STOM: variants seen among roughly 807,000 people sequenced by gnomAD.
STOM encodes the protein stomatin, also known as erythrocyte band 7 integral membrane protein.
A neutral mutation model predicts 30.6 loss-of-function variants in STOM; 25 were observed. The observed-to-expected ratio is 0.82, with a 90% CI of 0.60 to 1.14. STOM has a LOEUF of 1.14. Ranked by LOEUF, STOM falls within the 50% of genes most tolerant of loss-of-function variation. STOM has a pLI of 0.00. For synonymous variants in STOM, 118 were observed against 130.8 expected (o/e 0.90, Z 0.67); for missense variants, 292 against 365.2 (o/e 0.80, Z 1.63).
Position 121,348,160 on chromosome 9 carries a change from G to GA in STOM, c.526-12dup. 1 of 1,614,080 alleles carries GA rather than the reference G, an allele frequency of 6.2e-7. No individual in the cohort carries two copies. The highest frequency in any genetic ancestry group is 8.5e-7 in the Non-Finnish European group (1 of 1,179,984). ...ATCATCCAGAGTAGACTGTTAGGAAGAGAGAAGGCAAGCTAAATCTCCTCA... is the reference window on the plus strand; with the variant it reads ...ATCATCCAGAGTAGACTGTTAGGAAGAAGAGAAGGCAAGCTAAATCTCCTCA... On this transcript the variant is annotated splice_polypyrimidine_tract_variant and intron_variant, in intron 5 of 6. Transcript: ENST00000286713.
chr9:121,364,144 A>G (rs1328026395), intron 1 of STOM, among the ~76,000 whole-genome samples: 1 of 152,194 alleles, frequency 6.6e-6, no homozygotes, highest in Non-Finnish European at 1.5e-5. Context: ...TAGATTAAAA[A>G]AGCTAGAAGT....
At chr9:121,362,159 C>A (rs2064459422) in intron 1 of STOM, among the ~76,000 whole-genome samples, 3 of 152,076 alleles carry the variant, frequency 2.0e-5, no homozygotes, top group Admixed American at 2.0e-4. Context: ...GTTGGGCTTA[C>A]CTCCAGGAAA....
At chr9:121,363,537 C>A (rs892928268) in intron 1 of STOM, among the ~76,000 whole-genome samples, 1 of 152,168 alleles carries the variant, frequency 6.6e-6, no homozygotes, top group Non-Finnish European at 1.5e-5. Context: ...GCAAAAGAAG[C>A]CATAGATAGT....
Position 121,356,140 on chromosome 9 carries a change from G to A in STOM, c.78C>T (p.Gly26=). The A allele has an allele frequency of 6.2e-7, 1 of 1,613,966 alleles. No individual in the cohort carries two copies. The highest frequency in any genetic ancestry group is 8.5e-7 in the Non-Finnish European group (1 of 1,179,928). ...PDSFKDSPSK[G]LGPCGWILVA... Reference sequence around the variant, plus strand: ...CCAAAATCCATCCGCAAGGTCCAAGGCCCTTACTGGGGCTGTCTGTTGAAA... The same window carrying A: ...CCAAAATCCATCCGCAAGGTCCAAGACCCTTACTGGGGCTGTCTGTTGAAA... The change falls in exon 2 of 7, where the codon GGC becomes GGT. Residue 26 remains glycine (G), a synonymous_variant. Transcript: ENST00000286713.
chr9:121,364,990 G>A (rs1321689871), intron 1 of STOM, among the ~76,000 whole-genome samples: 4 of 152,162 alleles, frequency 2.6e-5, no homozygotes, highest in Non-Finnish European at 4.4e-5. Flanking sequence ...TCTACCCATT[G>A]AAACATAGGG....
intron 1 of STOM, among the ~76,000 whole-genome samples, chr9:121,362,655 C>T (rs2064464817): frequency 6.6e-6 from 1 of 152,128 alleles, no homozygotes; most frequent in Non-Finnish European, 1.5e-5. Flanking sequence ...TTTATGAATT[C>T]CTATGACATG....
chr9:121,348,055 A>G lies in STOM; in HGVS notation c.620T>C (p.Met207Thr). Reference sequence around the variant, plus strand: ...GCGGGACGCTTCTGCTTCTGCAGCCATAGCTCTCTGGAGCTGCACAGGTAG... The same window carrying G: ...GCGGGACGCTTCTGCTTCTGCAGCCGTAGCTCTCTGGAGCTGCACAGGTAG... ...VKLPVQLQRA[M>T]AAEAEASREA... The change falls in exon 6 of 7, where the codon ATG (methionine) becomes ACG (threonine). Residue 207 changes from methionine to threonine, a missense_variant. Met to Thr is a moderately conservative substitution (Grantham distance 81, BLOSUM62 -1). Transcript: ENST00000286713. 7 of 1,614,218 alleles carry G rather than the reference A, an allele frequency of 4.3e-6. No individual in the cohort carries two copies. Among genetic ancestry groups the G allele is most frequent in the Non-Finnish European group, 5.9e-6 (7 of 1,180,024 alleles).
intron 1 of STOM, among the ~76,000 whole-genome samples, chr9:121,361,937 A>G (rs945059593): frequency 3.3e-5 from 5 of 152,210 alleles, no homozygotes; most frequent in African/African-American, 1.2e-4. Context: ...GATCCCTCAT[A>G]TGTGCAGTTC....
chr9:121,354,885 C>A (rs1056972611), intron 2 of STOM, among the ~76,000 whole-genome samples: 11 of 152,144 alleles, frequency 7.2e-5, no homozygotes, highest in Non-Finnish European at 1.6e-4. Context: ...TAGATATTCA[C>A]TGTATAAATT....
chr9:121,356,240 C>A, intron 1 of STOM, 84 bp from the exon 2 acceptor site: 1 of 1,164,054 alleles, frequency 8.6e-7, no homozygotes, highest in Non-Finnish European at 1.2e-6. Context: ...TCGCTGAATA[C>A]CTATGTGCTT....
At chr9:121,350,664 T>C (rs1403389516) in intron 4 of STOM, among the ~76,000 whole-genome samples, 1 of 152,186 alleles carries the variant, frequency 6.6e-6, no homozygotes, top group African/African-American at 2.4e-5. Flanking sequence ...GATTCCTCAT[T>C]TGTGAGATGG....
At chr9:121,360,039 G>A (rs1025284767) in intron 1 of STOM, among the ~76,000 whole-genome samples, 4 of 152,188 alleles carry the variant, frequency 2.6e-5, no homozygotes, top group African/African-American at 7.2e-5. Flanking sequence ...GACAGCATTT[G>A]GTGCCTTTTC....
Position 121,340,278 on chromosome 9 carries a change from AT to A in STOM, c.*923del. 2.0e-6 allele frequency: 2 copies of A among 985,432 alleles called. No homozygotes were observed. The highest frequency in any genetic ancestry group is 2.4e-6 in the Non-Finnish European group (2 of 829,922). 61.0% of individuals were successfully genotyped at this position (985,432 alleles called of 1,614,324 possible). Reference sequence around the variant, plus strand: ...TTTAAAATGACCACTCTAGTAGTGAATTTAAAAGTCTTTTAAGGGTTAGAGT... The same window carrying A: ...TTTAAAATGACCACTCTAGTAGTGAATTAAAAGTCTTTTAAGGGTTAGAGT... On this transcript the variant is annotated 3_prime_UTR_variant, in exon 7 of 7. Transcript: ENST00000286713.
At chr9:121,349,421 G>T in intron 4 of STOM, 98 bp from the exon 5 acceptor site, 2 of 1,021,742 alleles carry the variant, frequency 2.0e-6, no homozygotes, top group African/African-American at 1.6e-5. Flanking sequence ...AACACTAGCT[G>T]ATTTTCTTTA....
chr9:121,359,907 G>A (rs983622151), intron 1 of STOM, among the ~76,000 whole-genome samples: 12 of 152,196 alleles, frequency 7.9e-5, no homozygotes, highest in Non-Finnish European at 1.6e-4. Context: ...TCCTCTTAAT[G>A]CCAGCCATGC....
intron 5 of STOM, among the ~76,000 whole-genome samples, chr9:121,348,802 C>T (rs1161065116): frequency 6.6e-6 from 1 of 152,168 alleles, no homozygotes; most frequent in Admixed American, 6.5e-5. Context: ...GGGACTCACA[C>T]ACAGAATAAA....
At chr9:121,350,985 C>T (rs1172774708) in intron 4 of STOM, among the ~76,000 whole-genome samples, 1 of 152,168 alleles carries the variant, frequency 6.6e-6, no homozygotes, top group Non-Finnish European at 1.5e-5. Context: ...CAAATTCTTG[C>T]CACTTTGACT....
At chr9:121,356,226 C>A in intron 1 of STOM, 70 bp from the exon 2 acceptor site, 1 of 1,322,674 alleles carries the variant, frequency 7.6e-7, no homozygotes, top group South Asian at 1.3e-5. Context: ...TTCATCCTTA[C>A]CATTCGCTGA....
At chr9:121,355,893 G>A (rs2064384363) in intron 2 of STOM, among the ~76,000 whole-genome samples, 160 bp downstream of exon 2, 1 of 152,072 alleles carries the variant, frequency 6.6e-6, no homozygotes, top group East Asian at 1.9e-4. Context: ...ATTTTAATAG[G>A]TGGGTAGAAG....
Sources: gnomAD v4.1 joint callset for allele counts (sites outside exome capture counted in the v4.1 genomes callset) on GRCh38, gnomAD v4.1.1 for gene constraint, MANE v1.5 for transcripts, NCBI Gene and HGNC (gene_info 2026-07-23, HGNC 2026-07-21) for gene names.